EMILIN2: variants seen among roughly 807,000 people sequenced by gnomAD.
The protein encoded by EMILIN2 is EMILIN-2.
EMILIN2 carries 71 observed loss-of-function variants against 87.1 expected under a neutral mutation model. The ratio of observed to expected loss-of-function variants is 0.82; its 90% CI spans 0.67 to 0.99. EMILIN2 has a LOEUF of 0.99. Ranked by LOEUF, EMILIN2 falls within the 50% of genes least tolerant of loss-of-function variation. EMILIN2 has a pLI of 0.00. For missense variants in EMILIN2, 1,407 were observed against 1,371.8 expected (o/e 1.03, Z -0.40); for synonymous variants, 581 against 563.4 (o/e 1.03, Z -0.44).
At position 2,898,156 on chromosome 18, in the gene EMILIN2, C is replaced by T. The variant is rs147895953; in HGVS notation, c.2359+5670C>T. On this transcript the variant is annotated intron_variant, in intron 4 of 7. Coordinates refer to ENST00000254528, the MANE Select transcript of EMILIN2 (RefSeq NM_032048.3). ...TTTCCCAAGTTGCCCAGCCTTACCC[C>T]CACTCGAGTCTGAGTGACCCATGAG... Among the ~76,000 whole-genome samples the T allele has an allele frequency of 2.6e-5, 4 of 152,304 alleles. No homozygotes were observed. The South Asian group carries it at 8.3e-4, about 32-fold the overall frequency.
chr18:2,881,209 TC>T (rs1180111767), intron 2 of EMILIN2, among the ~76,000 whole-genome samples: 2 of 152,176 alleles, frequency 1.3e-5, no homozygotes, highest in African/African-American at 2.4e-5. Context: ...AGCTTTGTCA[TC>T]GTCATGCGAC....
chr18:2,909,150 T>C (rs939661825), intron 6 of EMILIN2, among the ~76,000 whole-genome samples, 175 bp downstream of exon 6: 1 of 151,930 alleles, frequency 6.6e-6, no homozygotes, highest in Non-Finnish European at 1.5e-5. Flanking sequence ...TGGACCAAAT[T>C]CCCCAAGGTT....
In EMILIN2 at chr18:2,891,257, G is replaced by A; in HGVS notation, c.1130G>A (p.Arg377Lys). 1 of 1,614,194 alleles carries A rather than the reference G, an allele frequency of 6.2e-7. No individual in the cohort carries two copies. The highest frequency in any genetic ancestry group is 8.5e-7 in the Non-Finnish European group (1 of 1,180,046). The part of the protein sequence containing the change: ...ELIGEKETSL[R>K]KEINNLRARL... ...ATAGGGGAGAAGGAAACAAGCCTGAGAAAAGAAATAAATAACCTCCGAGCC... is the reference window on the plus strand; with the variant it reads ...ATAGGGGAGAAGGAAACAAGCCTGAAAAAAGAAATAAATAACCTCCGAGCC... The change falls in exon 4 of 8, where the codon AGA (arginine) becomes AAA (lysine). Residue 377 changes from arginine (R) to lysine (K), a missense_variant. Transcript: ENST00000254528. The surrounding 1 kb of genome is among the most constrained non-coding windows in gnomAD (Gnocchi z 4.6).
At chr18:2,854,044 A>G (rs1375310391) in intron 2 of EMILIN2, among the ~76,000 whole-genome samples, 2 of 152,136 alleles carry the variant, frequency 1.3e-5, no homozygotes, top group African/African-American at 2.4e-5. Flanking sequence ...GATAGCCTGC[A>G]TTGTTGGTGA....
Position 2,891,278 on chromosome 18 carries a change from G to A in EMILIN2, c.1151G>A (p.Arg384Gln), listed in dbSNP as rs778731918. 9.9e-6 allele frequency: 16 copies of A among 1,614,046 alleles called. No individual in the cohort carries two copies. The highest frequency in any genetic ancestry group is 4.4e-5 in the South Asian group (4 of 91,082). ...CTGAGAAAAGAAATAAATAACCTCC[G>A]AGCCCGGCTACAGGAGCCTTCAGCC... ...TSLRKEINNL[R>Q]ARLQEPSAQA... The change falls in exon 4 of 8, where the codon CGA becomes CAA. Residue 384 changes from arginine (R) to glutamine (Q), a missense_variant. Coordinates refer to ENST00000254528, the MANE Select transcript of EMILIN2 (RefSeq NM_032048.3). The surrounding 1 kb of genome is among the most constrained non-coding windows in gnomAD (Gnocchi z 4.6).
At position 2,906,484 on chromosome 18, in the gene EMILIN2, G is replaced by A. The variant is rs892339922; in HGVS notation, c.2360-299G>A. The A allele has an allele frequency of 1.9e-4, 25 of 130,968 alleles. No individual in the cohort carries two copies. The African/African-American group carries it at 3.2e-3, about 17-fold the overall frequency. 8.1% of individuals were successfully genotyped at this position (130,968 alleles called of 1,614,324 possible). A position where few individuals can be genotyped will look rare whatever the true frequency, so the allele number is the denominator to read the frequency against. On this transcript the variant is annotated intron_variant, in intron 4 of 7. Transcript: ENST00000254528. ...CGGTTTCCGCGTGCTGTGAAATCGG[G>A]AATTGTTGATGCCGGAGCCAAGAGT...
In EMILIN2 at chr18:2,847,235, C is replaced by T. The variant is rs1180626147; in HGVS notation, c.47C>T (p.Ala16Val). 2 of 1,267,508 alleles carry T rather than the reference C, an allele frequency of 1.6e-6. No homozygotes were observed. Among genetic ancestry groups the T allele is most frequent in the Non-Finnish European group, 2.0e-6 (2 of 1,008,296 alleles). 78.5% of individuals were successfully genotyped at this position (1,267,508 alleles called of 1,614,324 possible). The change falls in exon 1 of 8, where the codon GCG (alanine) becomes GTG (valine). Residue 16 changes from alanine (A) to valine (V), a missense_variant. Coordinates refer to ENST00000254528, the MANE Select transcript of EMILIN2 (RefSeq NM_032048.3). The surrounding 1 kb of genome is among the most constrained non-coding windows in gnomAD (Gnocchi z 4.5). The stretch of plus-strand genomic sequence containing the variant: ...TGGCCCCGCGTGCCCTGGCGCTGGG[C>T]GCTGGCGCTGCTGGCCCTGGTTGGC... ...RPWPRVPWRW[A>V]LALLALVGAG...
chr18:2,870,943 C>T (rs2076716443), intron 2 of EMILIN2, among the ~76,000 whole-genome samples: 1 of 152,208 alleles, frequency 6.6e-6, no homozygotes. Flanking sequence ...CCCCCACCAC[C>T]CTTTTTTTCT....
chr18:2,887,540 CCCTT>C (rs2076809035), intron 3 of EMILIN2, among the ~76,000 whole-genome samples: 1 of 152,072 alleles, frequency 6.6e-6, no homozygotes, highest in Admixed American at 6.6e-5. Context: ...GGCACCTTCT[CCCTT>C]CCCTCTTGCT....
chr18:2,892,585 T>G, intron 4 of EMILIN2, 99 bp downstream of exon 4: 1 of 1,451,104 alleles, frequency 6.9e-7, no homozygotes. Context: ...TGTTGAAACT[T>G]CATGAGGTAA....
Position 2,880,514 on chromosome 18 carries a change from C to G in EMILIN2, c.258-4450C>G, listed in dbSNP as rs689159. On this transcript the variant is annotated intron_variant, in intron 2 of 7. Transcript: ENST00000254528. This position sits in a 1 kb window ranked among gnomAD's most constrained non-coding sequence, Gnocchi z 4.1. ...GCCGCCCCCGCCCATACCCAAGGCA[C>G]CTGTGGACGGGGCTCTCCAGAGGGC... 0.96 allele frequency among the ~76,000 whole-genome samples: 146,991 copies of G among 152,332 alleles called. 71,148 individuals are homozygous for G. Among genetic ancestry groups the G allele is most frequent in the Middle Eastern group, 1 (294 of 294 alleles).
intron 2 of EMILIN2, among the ~76,000 whole-genome samples, chr18:2,860,585 G>A (rs934356145): frequency 6.6e-6 from 1 of 152,122 alleles, no homozygotes; most frequent in Non-Finnish European, 1.5e-5. Context: ...TTTTATGGCT[G>A]TATAGTATTC....
chr18:2,846,996 A>G, upstream of EMILIN2: 1 of 1,024,356 alleles, frequency 9.8e-7, no homozygotes, highest in Non-Finnish European at 1.2e-6. The surrounding 1 kb of genome is among the most constrained non-coding windows in gnomAD (Gnocchi z 5.3). Flanking sequence ...CGCAGGGCGC[A>G]CGGGGCTGCA....
chr18:2,886,992 C>T (rs183779728), intron 3 of EMILIN2, among the ~76,000 whole-genome samples: 191 of 152,276 alleles, frequency 1.3e-3, no homozygotes, highest in African/African-American at 4.3e-3. Flanking sequence ...TCCTGTGTCC[C>T]CTGCTCCCTC....
At chr18:2,889,089 CTTTCTTTCTTTTTCTT>C (rs1349342474) in intron 3 of EMILIN2, among the ~76,000 whole-genome samples, 2 of 140,224 alleles carry the variant, frequency 1.4e-5, no homozygotes, top group Non-Finnish European at 3.1e-5. Flanking sequence ...TTCAGTATTT[CTTTCTTTCTTTTTCTT>C]TTTCTTTCCT....
chr18:2,888,482 G>C (rs1490808794), intron 3 of EMILIN2, among the ~76,000 whole-genome samples: 3 of 152,016 alleles, frequency 2.0e-5, no homozygotes, highest in Admixed American at 1.3e-4. Flanking sequence ...TTGGGAGGCC[G>C]AGGCGGGTGG....
chr18:2,885,605 G>C (rs896814161), intron 3 of EMILIN2, among the ~76,000 whole-genome samples: 1 of 152,184 alleles, frequency 6.6e-6, no homozygotes, highest in Non-Finnish European at 1.5e-5. Flanking sequence ...TGCAACCTCT[G>C]CCTACCTGGT....
rs2076833577 is a variant in EMILIN2 at position 2,891,049 on chromosome 18, A to G, written c.922A>G (p.Met308Val). 1.9e-6 allele frequency: 3 copies of G among 1,614,222 alleles called. No individual in the cohort carries two copies. The African/African-American group carries it at 4.0e-5, about 22-fold the overall frequency. Reference sequence around the variant, plus strand: ...AGCAGCTCAGGGCCCGACGGTGACCATGACAACCAACGAACTCTACCAAGC... The same window carrying G: ...AGCAGCTCAGGGCCCGACGGTGACCGTGACAACCAACGAACTCTACCAAGC... The part of the protein sequence containing the change: ...QEAAQGPTVT[M>V]TTNELYQAYV... Residue 308 changes from methionine (M) to valine (V), a missense_variant, in exon 4 of 8, where the codon ATG becomes GTG. Physicochemically the swap from Met to Val is conservative, Grantham distance 21. Coordinates refer to ENST00000254528, the MANE Select transcript of EMILIN2 (RefSeq NM_032048.3). This position sits in a 1 kb window ranked among gnomAD's most constrained non-coding sequence, Gnocchi z 4.6.
intron 3 of EMILIN2, among the ~76,000 whole-genome samples, chr18:2,889,697 T>TC (rs1437776121): frequency 1.4e-5 from 2 of 143,564 alleles, no homozygotes; most frequent in African/African-American, 2.7e-5. Flanking sequence ...CTTTTCTTTT[T>TC]TTTTTTTTTT....
Sources: allele counts gnomAD v4.1 joint callset (sites outside exome capture counted in the v4.1 genomes callset), GRCh38; gene constraint gnomAD v4.1.1; non-coding constraint Gnocchi (gnomAD v3.1); transcripts MANE v1.5; gene names NCBI Gene and HGNC (gene_info 2026-07-23, HGNC 2026-07-21).